The following SNAP91 variants were observed in gnomAD, a reference collection of about 807,000 sequenced individuals.
SNAP91 encodes synaptosome associated protein 91, also known as clathrin coat assembly protein AP180.
Under a neutral mutation model 100.3 loss-of-function variants are expected in SNAP91, and 27 were observed. That is an observed-to-expected ratio of 0.27 (90% CI 0.20 to 0.37). SNAP91 has a LOEUF of 0.37. SNAP91 is among the 10% of genes least tolerant of loss of function. SNAP91 has a pLI of 1.00. For synonymous variants in SNAP91, 404 were observed against 398.6 expected (o/e 1.01, Z -0.16); for missense variants, 986 against 1,123.7 (o/e 0.88, Z 1.75).
intron 8 of SNAP91, among the ~76,000 whole-genome samples, chr6:83,632,250 C>T (rs1226955423): frequency 2.0e-5 from 3 of 151,958 alleles, no homozygotes; most frequent in Non-Finnish European, 1.5e-5. Flanking sequence ...TATAGTTATA[C>T]CTTTAAAGGT....
At chr6:83,667,074 AAGGTGTAAATAACT>A (rs1267517400) in intron 2 of SNAP91, among the ~76,000 whole-genome samples, 17 of 152,172 alleles carry the variant, frequency 1.1e-4, no homozygotes, top group African/African-American at 4.1e-4. Flanking sequence ...TCAACATTGG[AAGGTGTAAATAACT>A]CAGTGAACCA....
At chr6:83,650,604 G>T (rs889885543) in intron 7 of SNAP91, among the ~76,000 whole-genome samples, 1 of 152,166 alleles carries the variant, frequency 6.6e-6, no homozygotes. Flanking sequence ...TTTTAGTAGA[G>T]ATGGGGTTTC....
chr6:83,614,003 G>C (rs1391689742), intron 11 of SNAP91, among the ~76,000 whole-genome samples: 2 of 152,068 alleles, frequency 1.3e-5, no homozygotes, highest in Non-Finnish European at 2.9e-5. Flanking sequence ...AAACTCATGG[G>C]TTTCACTATG....
chr6:83,590,352 C>G (rs1569924), intron 22 of SNAP91, among the ~76,000 whole-genome samples: 1 of 152,092 alleles, frequency 6.6e-6, no homozygotes, highest in Admixed American at 6.5e-5. Flanking sequence ...TAAGCACACA[C>G]TTTGTCTTGC....
intron 7 of SNAP91, among the ~76,000 whole-genome samples, chr6:83,649,957 A>C (rs552901638): frequency 6.6e-6 from 1 of 152,180 alleles, no homozygotes; most frequent in African/African-American, 2.4e-5. Flanking sequence ...TAATTGAGAT[A>C]AAGTTCAAAG....
chr6:83,560,308 G>C, intron 27 of SNAP91, 100 bp from the exon 28 acceptor site: 1 of 800,408 alleles, frequency 1.2e-6, no homozygotes, highest in Non-Finnish European at 2.1e-6. Context: ...CAATATTTGA[G>C]GAATCCAGGA....
chr6:83,654,197 C>T (rs181580853), intron 7 of SNAP91, among the ~76,000 whole-genome samples: 1 of 152,256 alleles, frequency 6.6e-6, no homozygotes, highest in Non-Finnish European at 1.5e-5. Flanking sequence ...TCAGATCTTC[C>T]TACTTCAACA....
intron 8 of SNAP91, among the ~76,000 whole-genome samples, chr6:83,628,222 C>T (rs867044480): frequency 2.4e-5 from 3 of 124,716 alleles, no homozygotes; most frequent in Admixed American, 8.9e-5. Flanking sequence ...TTCCATTTTA[C>T]ATATATATAT....
intron 8 of SNAP91, among the ~76,000 whole-genome samples, chr6:83,624,885 T>G (rs943679211): frequency 6.6e-6 from 1 of 152,120 alleles, no homozygotes; most frequent in African/African-American, 2.4e-5. Context: ...TTATTTCTTT[T>G]TAAAAATTTT....
chr6:83,573,733 A>T (rs1356596810), intron 26 of SNAP91, among the ~76,000 whole-genome samples: 120 of 152,090 alleles, frequency 7.9e-4, no homozygotes, highest in Non-Finnish European at 1.5e-3. Flanking sequence ...TGATGCTGGG[A>T]AAACTGGCTA....
intron 7 of SNAP91, among the ~76,000 whole-genome samples, chr6:83,649,853 T>C (rs749742589): frequency 5.3e-5 from 8 of 151,976 alleles, no homozygotes; most frequent in Admixed American, 3.9e-4. Context: ...CCTCCCAAAG[T>C]GTTGGGATTA....
In SNAP91 at chr6:83,671,006, T is replaced by C. The variant is rs561723017; in HGVS notation, c.131-5425A>G. 1.6e-4 allele frequency among the ~76,000 whole-genome samples: 24 copies of C among 152,130 alleles called. 1 individual carries two copies. The South Asian group carries it at 4.8e-3, about 30-fold the overall frequency. ...CTTTTTTAGGTCCTTTGTATTTCCGTATGAGTTTTAGACTGAGCTTATCAA... is the reference window on the plus strand; with the variant it reads ...CTTTTTTAGGTCCTTTGTATTTCCGCATGAGTTTTAGACTGAGCTTATCAA... On this transcript the variant is annotated intron_variant, in intron 2 of 29. Transcript: ENST00000369694.
intron 2 of SNAP91, among the ~76,000 whole-genome samples, chr6:83,695,047 G>A (rs535893344): frequency 6.6e-6 from 1 of 152,028 alleles, no homozygotes; most frequent in Admixed American, 6.6e-5. Context: ...CGAGGTGGGC[G>A]GATCACTTGA....
intron 2 of SNAP91, among the ~76,000 whole-genome samples, chr6:83,669,294 T>C (rs1201125613): frequency 6.6e-6 from 1 of 151,580 alleles, no homozygotes; most frequent in Non-Finnish European, 1.5e-5. Flanking sequence ...CTCTACTCTC[T>C]CACCAAAAAG....
At chr6:83,673,216 A>C (rs923749160) in intron 2 of SNAP91, among the ~76,000 whole-genome samples, 1 of 152,074 alleles carries the variant, frequency 6.6e-6, no homozygotes, top group Non-Finnish European at 1.5e-5. Flanking sequence ...CCCCTCAGCC[A>C]AATTCATATG....
At position 83,661,600 on chromosome 6, in the gene SNAP91, A is replaced by G; in HGVS notation, c.354T>C (p.Tyr118=). 1.9e-6 allele frequency: 3 copies of G among 1,562,430 alleles called. No homozygotes were observed. The highest frequency in any genetic ancestry group is 2.6e-6 in the Non-Finnish European group (3 of 1,141,604). Residue 118 remains tyrosine, a synonymous_variant, in exon 5 of 30, where the codon TAT becomes TAC. Transcript: ENST00000369694. ...AGCGCCTTATGAAGGTAGACATATC[A>G]TAACCTGGGAGAGTGGAAAGAAGAA... ...NFLDKSGSHG[Y]DMSTFIRRYS...
chr6:83,693,954 G>A, intron 2 of SNAP91, among the ~76,000 whole-genome samples: 1 of 152,168 alleles, frequency 6.6e-6, no homozygotes, highest in East Asian at 1.9e-4. Context: ...ACAATCTAAA[G>A]CACTGTATAT....
intron 26 of SNAP91, among the ~76,000 whole-genome samples, chr6:83,573,166 C>G (rs1206385607): frequency 2.6e-5 from 4 of 152,270 alleles, no homozygotes; most frequent in Admixed American, 2.0e-4. Context: ...AACAGACAAA[C>G]AGAGAGCCAA....
At position 83,629,405 on chromosome 6, in the gene SNAP91, T is replaced by C. The variant is rs142054922; in HGVS notation, c.766-6063A>G. 3.8e-4 allele frequency among the ~76,000 whole-genome samples: 57 copies of C among 151,820 alleles called. No individual in the cohort carries two copies. The East Asian group carries it at 9.5e-3, about 25-fold the overall frequency. On this transcript the variant is annotated intron_variant, in intron 8 of 29. Coordinates refer to ENST00000369694, the MANE Select transcript of SNAP91 (RefSeq NM_001242792.2). ...TTTTTTCTAATTCTGTGAAGAATAG[T>C]GAATTTTGATGGGAATTGCATTGAA...
Sources: allele counts gnomAD v4.1 joint callset (sites outside exome capture counted in the v4.1 genomes callset), GRCh38; gene constraint gnomAD v4.1.1; transcripts MANE v1.5; gene names NCBI Gene and HGNC (gene_info 2026-07-23, HGNC 2026-07-21).